Variants in CREBBP observed in about 807,000 individuals in gnomAD.
The protein encoded by CREBBP is CREB binding lysine acetyltransferase, also known as CREB-binding protein.
In CREBBP, 19 loss-of-function variants were observed where a neutral mutation model predicts 265.0. That is an observed-to-expected ratio of 0.07 (90% CI 0.05 to 0.11). CREBBP has a LOEUF of 0.11. Among genes scored for constraint, CREBBP ranks in the 10% least tolerant of loss-of-function variants. The pLI, the probability that CREBBP is intolerant of heterozygous loss-of-function variation, is 1.00. For missense variants in CREBBP, 2,525 were observed against 3,219.0 expected (o/e 0.78, Z 5.22); for synonymous variants, 1,457 against 1,223.7 (o/e 1.19, Z -3.98).
chr16:3,832,425 C>T (rs951922875), intron 2 of CREBBP, among the ~76,000 whole-genome samples: 8 of 152,284 alleles, frequency 5.3e-5, no homozygotes, highest in South Asian at 4.1e-4. Context: ...AATCATGCTT[C>T]GCCCAAAGAC....
intron 2 of CREBBP, among the ~76,000 whole-genome samples, chr16:3,822,635 C>T (rs2054162732): frequency 6.6e-6 from 1 of 152,116 alleles, no homozygotes; most frequent in African/African-American, 2.4e-5. Context: ...AGGAGGACTG[C>T]AGCAGCCAAA....
intron 13 of CREBBP, 21 bp from the exon 14 acceptor site, chr16:3,771,007 A>G (rs2052993862): frequency 1.2e-6 from 2 of 1,611,830 alleles, no homozygotes; most frequent in Non-Finnish European, 1.7e-6. Flanking sequence ...TGGACAGAGT[A>G]TGGTAAAATT....
intron 2 of CREBBP, 62 bp from the exon 3 acceptor site, chr16:3,810,841 G>C: frequency 6.5e-7 from 1 of 1,540,098 alleles, no homozygotes; most frequent in Non-Finnish European, 9.0e-7. Flanking sequence ...GGAAGGGCCT[G>C]GGAAATGCTC....
chr16:3,872,923 G>A (rs2055329994), intron 1 of CREBBP, among the ~76,000 whole-genome samples: 1 of 152,248 alleles, frequency 6.6e-6, no homozygotes, highest in Non-Finnish European at 1.5e-5. Flanking sequence ...TGGGGCATGC[G>A]GCCCTGGACT....
rs752112546 is a variant in CREBBP at position 3,850,792 on chromosome 16, G to C, written c.303C>G (p.Gly101=). 2 of 1,614,066 alleles carry C rather than the reference G, an allele frequency of 1.2e-6. No individual in the cohort carries two copies. The highest frequency in any genetic ancestry group is 8.5e-7 in the Non-Finnish European group (1 of 1,180,034). Residue 101 remains glycine (G), a synonymous_variant, in exon 2 of 31, where the codon GGC becomes GGG. Transcript: ENST00000262367. ...CACTGTTCGGCTGCCCTTGAGCCTG[G>C]CCACCCAGGCCCTGCTGCACGGGGC... is the stretch of plus-strand genomic sequence containing the variant. The part of the protein sequence containing the change: ...ASSPVQQGLG[G]QAQGQPNSAN...
chr16:3,776,277 T>C (rs2053136715), intron 11 of CREBBP, among the ~76,000 whole-genome samples: 1 of 152,154 alleles, frequency 6.6e-6, no homozygotes, highest in Non-Finnish European at 1.5e-5. Context: ...CTTAGAGTCT[T>C]CTGGATAATG....
intron 11 of CREBBP, 159 bp from the exon 12 acceptor site, chr16:3,774,852 C>CA: frequency 2.1e-6 from 2 of 957,492 alleles, no homozygotes; most frequent in Non-Finnish European, 3.2e-6. Flanking sequence ...GATGAAGGAA[C>CA]AGACTTCTCC....
intron 3 of CREBBP, among the ~76,000 whole-genome samples, chr16:3,795,580 C>T (rs1394209500): frequency 6.6e-6 from 1 of 152,130 alleles, no homozygotes; most frequent in African/African-American, 2.4e-5. Context: ...TTAACTAGTT[C>T]TTGTTATGGG....
chr16:3,728,998 G>T lies in CREBBP; in HGVS notation c.6049C>A (p.Pro2017Thr). 6.3e-7 allele frequency: 1 copy of T among 1,594,084 alleles called. No individual in the cohort carries two copies. ...GGCGCCTGCTGCCACTGCCCGGGAG[G>T]CATGCTGGGCATGACGGGCCCGCTC... ...QVSGPVMPSM[P>T]PGQWQQAPLP... Residue 2017 changes from proline to threonine, a missense_variant, in exon 31 of 31, where the codon CCT becomes ACT. Around this residue, in one of 19 missense-constraint regions of CREBBP, gnomAD observed 275 missense variants for 276.5 expected, o/e 0.99. Coordinates refer to ENST00000262367, the MANE Select transcript of CREBBP (RefSeq NM_004380.3). The surrounding 1 kb of genome is among the most constrained non-coding windows in gnomAD (Gnocchi z 8.7).
intron 1 of CREBBP, 112 bp downstream of exon 1, chr16:3,879,720 G>A (rs2055484433): frequency 8.5e-7 from 1 of 1,169,906 alleles, no homozygotes; most frequent in Admixed American, 2.0e-5. Flanking sequence ...TGCGGGGCCT[G>A]CTCCGAGCTC....
rs1465052552 is a variant in CREBBP at position 3,731,175 on chromosome 16, G to A, written c.5172+17C>T. ...CCCCAGGCCGGCTGTGGGGGTGGGG[G>A]TGGGGGCAGGGCCTACCTCGCACAC... On this transcript the variant is annotated intron_variant, in intron 30 of 30. Coordinates refer to ENST00000262367, the MANE Select transcript of CREBBP (RefSeq NM_004380.3). The surrounding 1 kb of genome is among the most constrained non-coding windows in gnomAD (Gnocchi z 7.7). 6.2e-7 allele frequency: 1 copy of A among 1,605,324 alleles called. No homozygotes were observed. The highest frequency in any genetic ancestry group is 8.5e-7 in the Non-Finnish European group (1 of 1,174,494).
At chr16:3,754,984 C>G (rs536698184) in intron 19 of CREBBP, among the ~76,000 whole-genome samples, 11 of 152,308 alleles carry the variant, frequency 7.2e-5, no homozygotes, top group African/African-American at 2.6e-4. Flanking sequence ...TGCTAACCTA[C>G]TCAGTCAGAT....
rs71133657 is a variant in CREBBP at position 3,802,114 on chromosome 16, ATTTTTTTTTTTTTTTTTTTT to A, written c.975+8469_975+8488del. Among the ~76,000 whole-genome samples, 19 of 50,586 alleles carry A rather than the reference ATTTTTTTTTTTTTTTTTTTT, an allele frequency of 3.8e-4. No homozygotes were observed. In the East Asian group the frequency reaches 0.013, roughly 34 times the overall value. 33.2% of individuals were successfully genotyped at this position (50,586 alleles called of 152,430 possible). ...TTTATATTTACTCTGGTATTCCTTA[ATTTTTTTTTTTTTTTTTTTT>A]TTTTTTTTTTTTTTTGTGACAGAGT... On this transcript the variant is annotated intron_variant, in intron 3 of 30. Coordinates refer to ENST00000262367, the MANE Select transcript of CREBBP (RefSeq NM_004380.3).
rs1489014715 is a variant in CREBBP, at chr16:3,745,257, G to C, written c.3914+20C>G. On this transcript the variant is annotated intron_variant, in intron 22 of 30. Coordinates refer to ENST00000262367, the MANE Select transcript of CREBBP (RefSeq NM_004380.3). ...TGGCTCTGTGCAGAACTGCCCTCCA[G>C]GCCAGGGGAAACAACTCACCCTGAA... The C allele has an allele frequency of 6.2e-7, 1 of 1,610,010 alleles. No homozygotes were observed. Among genetic ancestry groups the C allele is most frequent in the Non-Finnish European group, 8.5e-7 (1 of 1,177,430 alleles).
At position 3,770,496 on chromosome 16, in the gene CREBBP, T is replaced by C. The variant is rs937037669; in HGVS notation, c.2880+74A>G. 1.9e-5 allele frequency: 29 copies of C among 1,552,342 alleles called. No individual in the cohort carries two copies. The East Asian group carries it at 6.3e-4, about 34-fold the overall frequency. ...TAGGTGTGAACCACCGCGCCTGGCC[T>C]GACACACAATTTTTATGGGAAAATT... On this transcript the variant is annotated intron_variant, in intron 14 of 30. Transcript: ENST00000262367.
intron 1 of CREBBP, among the ~76,000 whole-genome samples, chr16:3,853,394 AG>A (rs1002625360): frequency 6.9e-6 from 1 of 145,752 alleles, no homozygotes; most frequent in Non-Finnish European, 1.5e-5. Flanking sequence ...GCGGATCACG[AG>A]GTCAGGAGAT....
intron 5 of CREBBP, among the ~76,000 whole-genome samples, chr16:3,789,545 C>A (rs2053460078): frequency 6.6e-6 from 1 of 152,166 alleles, no homozygotes; most frequent in South Asian, 2.1e-4. Context: ...ATATTGTCTT[C>A]AAAACCCAAC....
intron 23 of CREBBP, chr16:3,743,120 G>A (rs1363626404): frequency 6.6e-6 from 1 of 152,246 alleles, no homozygotes; most frequent in African/African-American, 2.4e-5. Context: ...CCCTCCAGGG[G>A]ACATCTGGCA....
rs766245407 is a variant in CREBBP, at chr16:3,850,466, T to C, written c.629A>G (p.Asn210Ser). The change falls in exon 2 of 31, where the codon AAT becomes AGT. Residue 210 changes from asparagine to serine, a missense_variant. Asn to Ser is a conservative substitution (Grantham distance 46). Coordinates refer to ENST00000262367, the MANE Select transcript of CREBBP (RefSeq NM_004380.3). ...TCTGCCAGCAGCCCCAAGAGATCCA[T>C]TCATGACTTGCGCCTGCCCTTGTGA... is the stretch of plus-strand genomic sequence containing the variant. The part of the protein sequence containing the change: ...QASQGQAQVM[N>S]GSLGAAGRGR... The C allele has an allele frequency of 1.2e-6, 2 of 1,614,234 alleles. No homozygotes were observed. Among genetic ancestry groups the C allele is most frequent in the East Asian group, 2.2e-5 (1 of 44,888 alleles).
Sources: gnomAD v4.1 joint callset for allele counts (sites outside exome capture counted in the v4.1 genomes callset) on GRCh38, gnomAD v4.1.1 for gene constraint, gnomAD v4.1.1 regional missense constraint, Gnocchi (gnomAD v3.1) non-coding constraint, MANE v1.5 for transcripts, NCBI Gene and HGNC (gene_info 2026-07-23, HGNC 2026-07-21) for gene names.